The following EXOC6B variants were observed in gnomAD, a reference collection of about 807,000 sequenced individuals.
EXOC6B encodes the protein exocyst complex component 6B.
A neutral mutation model predicts 113.5 loss-of-function variants in EXOC6B; 54 were observed. That is an observed-to-expected ratio of 0.48 (90% CI 0.38 to 0.60). The LOEUF (loss-of-function observed/expected upper bound fraction) is 0.60, where lower values mean the gene tolerates loss of function less well. EXOC6B is among the 20% of genes least tolerant of loss of function. The probability of loss-of-function intolerance (pLI) is 0.00; values close to 1 mark genes in which losing one functional copy is unlikely to be tolerated. For missense variants in EXOC6B, 797 were observed against 977.5 expected (o/e 0.82, Z 2.46); for synonymous variants, 357 against 339.0 (o/e 1.05, Z -0.58).
At chr2:72,394,284 C>T (rs1357822611) in intron 18 of EXOC6B, among the ~76,000 whole-genome samples, 3 of 151,896 alleles carry the variant, frequency 2.0e-5, no homozygotes, top group Non-Finnish European at 2.9e-5. Context: ...TTTTTTTATT[C>T]TAATAATTCT....
At chr2:72,628,108 G>T (rs1169865451) in intron 6 of EXOC6B, among the ~76,000 whole-genome samples, 1 of 151,942 alleles carries the variant, frequency 6.6e-6, no homozygotes, top group South Asian at 2.1e-4. Context: ...TGGAGAAAAT[G>T]ATTTTGTAGA....
At chr2:72,275,867 G>C (rs1684780690) in intron 20 of EXOC6B, among the ~76,000 whole-genome samples, 1 of 152,010 alleles carries the variant, frequency 6.6e-6, no homozygotes, top group African/African-American at 2.4e-5. Flanking sequence ...TTTTTTTTGG[G>C]GGGTGGTGGT....
At chr2:72,457,493 T>C (rs543931158) in intron 18 of EXOC6B, among the ~76,000 whole-genome samples, 1 of 152,202 alleles carries the variant, frequency 6.6e-6, no homozygotes, top group East Asian at 1.9e-4. Flanking sequence ...TTGCCCTATG[T>C]CATACAAATT....
At chr2:72,430,967 C>A (rs557594871) in intron 18 of EXOC6B, among the ~76,000 whole-genome samples, 1 of 152,268 alleles carries the variant, frequency 6.6e-6, no homozygotes, top group East Asian at 1.9e-4. Flanking sequence ...GCTATGGAAA[C>A]ACAGACTGAG....
intron 6 of EXOC6B, among the ~76,000 whole-genome samples, chr2:72,653,972 T>C (rs1456325403): frequency 1.7e-4 from 1 of 5,858 alleles, no homozygotes. Flanking sequence ...TTTTATTTAT[T>C]TTTTTTTTTT....
chr2:72,543,605 C>T (rs1702737063), intron 8 of EXOC6B, among the ~76,000 whole-genome samples: 1 of 152,074 alleles, frequency 6.6e-6, no homozygotes, highest in Non-Finnish European at 1.5e-5. Context: ...GTAATAAGGT[C>T]ACCAGGTTAA....
intron 20 of EXOC6B, among the ~76,000 whole-genome samples, chr2:72,194,308 A>C (rs1179144269): frequency 6.6e-6 from 1 of 152,122 alleles, no homozygotes; most frequent in East Asian, 1.9e-4. Flanking sequence ...GAGAAGGTAG[A>C]AGGAATTTGG....
intron 5 of EXOC6B, among the ~76,000 whole-genome samples, chr2:72,726,036 T>C (rs1680281769): frequency 6.6e-6 from 1 of 152,180 alleles, no homozygotes; most frequent in South Asian, 2.1e-4. Context: ...TGAGAGAGTA[T>C]TCAGCCATAA....
intron 20 of EXOC6B, among the ~76,000 whole-genome samples, chr2:72,247,007 A>G (rs1682705446): frequency 6.6e-6 from 1 of 152,176 alleles, no homozygotes; most frequent in Non-Finnish European, 1.5e-5. Flanking sequence ...TAGCAACTTT[A>G]CAGTTCTTTG....
intron 21 of EXOC6B, among the ~76,000 whole-genome samples, 179 bp downstream of exon 21, chr2:72,183,896 G>A (rs766454023): frequency 1.3e-4 from 20 of 152,140 alleles, no homozygotes; most frequent in Non-Finnish European, 2.5e-4. Context: ...TAAGCCACAG[G>A]AGGAAGACTG....
intron 18 of EXOC6B, among the ~76,000 whole-genome samples, chr2:72,425,672 C>G (rs1695163663): frequency 6.6e-6 from 1 of 152,124 alleles, no homozygotes; most frequent in Non-Finnish European, 1.5e-5. Flanking sequence ...AGTATTACAT[C>G]CCCTTTTCCT....
rs201134040 is a variant in EXOC6B at position 72,781,787 on chromosome 2, A to G, written c.114-40318T>C. Among the ~76,000 whole-genome samples, 5 of 152,220 alleles carry G rather than the reference A, an allele frequency of 3.3e-5. No homozygotes were observed. In the East Asian group the frequency reaches 9.7e-4, roughly 29 times the overall value. On this transcript the variant is annotated intron_variant, in intron 1 of 21. Transcript: ENST00000272427. ...GGTCAAAACAAATCACATGGCCACA[A>G]CTAACTTCCAAGGAGAAAGGACATG...
intron 6 of EXOC6B, among the ~76,000 whole-genome samples, chr2:72,576,398 G>T (rs1344498192): frequency 6.6e-6 from 1 of 152,056 alleles, no homozygotes; most frequent in Non-Finnish European, 1.5e-5. Flanking sequence ...CAGAGAAGTA[G>T]AAAGTGGGAC....
intron 20 of EXOC6B, among the ~76,000 whole-genome samples, chr2:72,301,880 G>A (rs1188454277): frequency 1.3e-5 from 2 of 152,064 alleles, no homozygotes; most frequent in Non-Finnish European, 2.9e-5. Flanking sequence ...TCTTCTGCTA[G>A]CTTTGGGGTT....
chr2:72,658,991 C>G (rs941979801), intron 6 of EXOC6B, among the ~76,000 whole-genome samples: 1 of 152,080 alleles, frequency 6.6e-6, no homozygotes, highest in African/African-American at 2.4e-5. Context: ...TCCTCTTCCG[C>G]TTAGTCGTAC....
chr2:72,746,853 G>A (rs1351556397), intron 1 of EXOC6B, among the ~76,000 whole-genome samples: 1 of 151,970 alleles, frequency 6.6e-6, no homozygotes, highest in Non-Finnish European at 1.5e-5. Flanking sequence ...GCAAGCAGGT[G>A]GCATGGGCCC....
In EXOC6B at chr2:72,525,678, CAAG is replaced by C. The variant is rs139156196; in HGVS notation, c.916-10555_916-10553del. ...GAATATGATTTAATCAATTTGTAGACAAGAACATTTTTAATATAAAACAAATAA... is the reference window on the plus strand; with the variant it reads ...GAATATGATTTAATCAATTTGTAGACAACATTTTTAATATAAAACAAATAA... On this transcript the variant is annotated intron_variant, in intron 8 of 21. Coordinates refer to ENST00000272427, the MANE Select transcript of EXOC6B (RefSeq NM_015189.3). 4.9e-3 allele frequency among the ~76,000 whole-genome samples: 748 copies of C among 152,124 alleles called. 11 individuals are homozygous for C. Among genetic ancestry groups the C allele is most frequent in the African/African-American group, 0.017 (695 of 41,516 alleles).
At chr2:72,761,472 T>C (rs1027086260) in intron 1 of EXOC6B, among the ~76,000 whole-genome samples, 7 of 152,168 alleles carry the variant, frequency 4.6e-5, no homozygotes, top group Non-Finnish European at 2.9e-5. Flanking sequence ...AGCTCTCCAA[T>C]TTATAAGGTA....
intron 16 of EXOC6B, among the ~76,000 whole-genome samples, chr2:72,489,276 G>A (rs1699606607): frequency 6.6e-6 from 1 of 152,092 alleles, no homozygotes; most frequent in Non-Finnish European, 1.5e-5. Context: ...TAGAATGTAA[G>A]CAAGGATCTC....
Sources: gnomAD v4.1 joint callset for allele counts (sites outside exome capture counted in the v4.1 genomes callset) on GRCh38, gnomAD v4.1.1 for gene constraint, MANE v1.5 for transcripts, NCBI Gene and HGNC (gene_info 2026-07-23, HGNC 2026-07-21) for gene names.